Variants in NFIL3 observed in about 807,000 individuals in gnomAD.
The protein encoded by NFIL3 is nuclear factor interleukin-3-regulated protein.
In NFIL3, 5 loss-of-function variants were observed where a neutral mutation model predicts 10.0. That is an observed-to-expected ratio of 0.50 (90% CI 0.26 to 1.06). The LOEUF is 1.06. NFIL3 is among the 50% of genes least tolerant of loss of function. The pLI, the probability that NFIL3 is intolerant of heterozygous loss-of-function variation, is 0.13. For missense variants in NFIL3, 436 were observed against 547.6 expected (o/e 0.80, Z 2.03); for synonymous variants, 202 against 206.5 (o/e 0.98, Z 0.19).
the NFIL3 span, among the ~76,000 whole-genome samples, chr9:91,440,735 T>A: frequency 6.6e-6 from 1 of 151,926 alleles, no homozygotes. Flanking sequence ...GTATTTACAG[T>A]TTCCCTTTTA....
At chr9:91,461,328 T>C in the NFIL3 span, among the ~76,000 whole-genome samples, 5 of 152,176 alleles carry the variant, frequency 3.3e-5, no homozygotes, top group Non-Finnish European at 7.3e-5. Context: ...TAAATTCAGG[T>C]AAAAATTTGA....
the NFIL3 span, among the ~76,000 whole-genome samples, chr9:91,458,928 T>A: frequency 6.6e-6 from 1 of 152,140 alleles, no homozygotes; most frequent in Admixed American, 6.6e-5. Flanking sequence ...CTCTCTGCTG[T>A]GGAGAGGGAT....
chr9:91,460,150 C>G, the NFIL3 span, among the ~76,000 whole-genome samples: 1 of 151,788 alleles, frequency 6.6e-6, no homozygotes, highest in African/African-American at 2.4e-5. Flanking sequence ...GAGGAGAAGG[C>G]TGTGCAGGTA....
In NFIL3 at chr9:91,409,680, G is replaced by C; in HGVS notation, c.1055C>G (p.Ser352Cys). Reference sequence around the variant, plus strand: ...TTTAGATGTCATGTCAATAGGTGAGGAAAGTTTTTGCGTGGCCTCAAATTC... The same window carrying C: ...TTTAGATGTCATGTCAATAGGTGAGCAAAGTTTTTGCGTGGCCTCAAATTC... Reference protein sequence around the residue: ...DNEFEATQKLSSPIDMTSKRH... With the variant: ...DNEFEATQKLCSPIDMTSKRH... Residue 352 changes from serine (S) to cysteine (C), a missense_variant, in exon 2 of 2, where the codon TCC (serine) becomes TGC (cysteine). By Grantham distance (112) the Ser-to-Cys change is moderately radical. Around this residue, in one of 3 missense-constraint regions of NFIL3, gnomAD observed 338 missense variants for 399.9 expected, o/e 0.85. Coordinates refer to ENST00000297689, the MANE Select transcript of NFIL3 (RefSeq NM_005384.3). 1 of 1,614,228 alleles carries C rather than the reference G, an allele frequency of 6.2e-7. No homozygotes were observed. Among genetic ancestry groups the C allele is most frequent in the East Asian group, 2.2e-5 (1 of 44,890 alleles).
At chr9:91,465,612 A>G in the NFIL3 span, among the ~76,000 whole-genome samples, 9 of 151,930 alleles carry the variant, frequency 5.9e-5, no homozygotes, top group African/African-American at 2.2e-4. Flanking sequence ...GTCAGATTCC[A>G]GCGTTTGCTT....
chr9:91,476,046 G>A, the NFIL3 span, among the ~76,000 whole-genome samples: 1 of 152,330 alleles, frequency 6.6e-6, no homozygotes, highest in Non-Finnish European at 1.5e-5. Context: ...GCTCCATAAG[G>A]AAAGAGGCTA....
the NFIL3 span, among the ~76,000 whole-genome samples, chr9:91,472,046 A>G: frequency 6.6e-6 from 1 of 151,666 alleles, no homozygotes; most frequent in Non-Finnish European, 1.5e-5. Context: ...CTCTCTTCTG[A>G]CTTGGAGGGT....
chr9:91,412,005 G>A (rs749459376), intron 1 of NFIL3, among the ~76,000 whole-genome samples: 9 of 150,244 alleles, frequency 6.0e-5, no homozygotes, highest in East Asian at 2.0e-4. Context: ...GGGAGGCTGA[G>A]GCAGGAGAAT....
At chr9:91,480,541 G>A in the NFIL3 span, among the ~76,000 whole-genome samples, 6 of 152,146 alleles carry the variant, frequency 3.9e-5, no homozygotes, top group African/African-American at 1.4e-4. Flanking sequence ...TATTCTAGAT[G>A]AATTACGGAG....
chr9:91,429,505 C>T, the NFIL3 span, among the ~76,000 whole-genome samples: 1 of 152,110 alleles, frequency 6.6e-6, no homozygotes. Context: ...GAGAAAATTA[C>T]CTTGTTGAGT....
At chr9:91,466,652 C>G in the NFIL3 span, among the ~76,000 whole-genome samples, 6 of 152,178 alleles carry the variant, frequency 3.9e-5, no homozygotes, top group East Asian at 9.7e-4. Context: ...AACGTTGCAT[C>G]CTTTTTGAGG....
chr9:91,481,286 T>C, the NFIL3 span, among the ~76,000 whole-genome samples: 1 of 152,092 alleles, frequency 6.6e-6, no homozygotes, highest in Non-Finnish European at 1.5e-5. Flanking sequence ...AAAACACACG[T>C]AATTTCACTA....
the NFIL3 span, among the ~76,000 whole-genome samples, chr9:91,443,213 A>C: frequency 3.3e-5 from 5 of 152,302 alleles, no homozygotes; most frequent in Non-Finnish European, 5.9e-5. Flanking sequence ...GAAGGGAAGA[A>C]ATGCCTGCTG....
At chr9:91,465,368 T>C in the NFIL3 span, among the ~76,000 whole-genome samples, 730 of 152,284 alleles carry the variant, frequency 4.8e-3, 13 homozygotes, top group East Asian at 0.028. Context: ...TTTGTTGTAT[T>C]GTGTATACTG....
rs373680745 is a variant in NFIL3, at chr9:91,419,424, GA to G, written c.-173+4215del. Among the ~76,000 whole-genome samples the G allele has an allele frequency of 5.3e-5, 8 of 152,270 alleles. No individual in the cohort carries two copies. The East Asian group carries it at 1.5e-3, about 29-fold the overall frequency. On this transcript the variant is annotated intron_variant, in intron 1 of 1. Coordinates refer to ENST00000297689, the MANE Select transcript of NFIL3 (RefSeq NM_005384.3). ...GAGTCAGGCACATTGCTCAACGTCCGAAAGGCCTCTCACAAAGGGTTTTAAT... is the reference window on the plus strand; with the variant it reads ...GAGTCAGGCACATTGCTCAACGTCCGAAGGCCTCTCACAAAGGGTTTTAAT...
the NFIL3 span, among the ~76,000 whole-genome samples, chr9:91,472,412 C>CT: frequency 6.6e-6 from 1 of 152,258 alleles, no homozygotes; most frequent in South Asian, 2.1e-4. Context: ...TCTTTTTACT[C>CT]TTTTTTCTCT....
the NFIL3 span, among the ~76,000 whole-genome samples, chr9:91,480,479 C>G: frequency 6.6e-6 from 1 of 152,036 alleles, no homozygotes; most frequent in African/African-American, 2.4e-5. Context: ...ACAACTGATT[C>G]TCTATTTAGA....
chr9:91,411,602 A>T (rs1200642234), intron 1 of NFIL3, among the ~76,000 whole-genome samples: 1 of 152,212 alleles, frequency 6.6e-6, no homozygotes, highest in African/African-American at 2.4e-5. Flanking sequence ...CAGGTGACTC[A>T]CTGCAACTAA....
At chr9:91,423,200 A>AC (rs1163513958) in intron 1 of NFIL3, among the ~76,000 whole-genome samples, 3 of 150,436 alleles carry the variant, frequency 2.0e-5, no homozygotes, top group Non-Finnish European at 4.4e-5. Flanking sequence ...CCATTCCTCA[A>AC]CCCCCCATTC....
Sources: gnomAD v4.1 joint callset for allele counts (sites outside exome capture counted in the v4.1 genomes callset) on GRCh38, gnomAD v4.1.1 for gene constraint, gnomAD v4.1.1 regional missense constraint, MANE v1.5 for transcripts, NCBI Gene and HGNC (gene_info 2026-07-23, HGNC 2026-07-21) for gene names.